The following TIAM2 variants were observed in gnomAD, a reference collection of about 807,000 sequenced individuals.
TIAM2 encodes rho guanine nucleotide exchange factor TIAM2.
In TIAM2, 80 loss-of-function variants were observed where a neutral mutation model predicts 152.9. The observed-to-expected ratio is 0.52, with a 90% confidence interval of 0.44 to 0.63. The LOEUF (loss-of-function observed/expected upper bound fraction) is 0.63, where lower values mean the gene tolerates loss of function less well. TIAM2 is among the 30% of genes least tolerant of loss of function. The pLI is 0.00. For missense variants in TIAM2, 1,965 were observed against 2,120.1 expected (o/e 0.93, Z 1.44); for synonymous variants, 804 against 838.0 (o/e 0.96, Z 0.70).
At chr6:155,137,082 T>C (rs1033392658) in intron 4 of TIAM2, 95 bp from the exon 5 acceptor site, 35 of 1,306,748 alleles carry the variant, frequency 2.7e-5, no homozygotes, top group Non-Finnish European at 3.6e-5. Flanking sequence ...CATTACATTA[T>C]CAGCAGCCAC....
intron 4 of TIAM2, among the ~76,000 whole-genome samples, chr6:155,134,948 G>A (rs1779525898): frequency 6.6e-6 from 1 of 151,854 alleles, no homozygotes; most frequent in Non-Finnish European, 1.5e-5. Context: ...CTCATGATCT[G>A]CCCACCTCAG....
chr6:155,212,067 G>A (rs6557408), intron 15 of TIAM2, among the ~76,000 whole-genome samples: 2,187 of 152,284 alleles, frequency 0.014, 56 homozygotes, highest in African/African-American at 0.05. Flanking sequence ...TTATGGCTGA[G>A]TAATATTCCA....
chr6:155,154,019 A>G (rs1415026080), intron 7 of TIAM2, among the ~76,000 whole-genome samples: 2 of 152,192 alleles, frequency 1.3e-5, no homozygotes, highest in Non-Finnish European at 2.9e-5. Flanking sequence ...ATATTTGACA[A>G]AAAAATGTAA....
rs191955652 is a variant in TIAM2, at chr6:155,024,194, G to A, written c.-209+28702G>A. Among the ~76,000 whole-genome samples, 35 of 152,186 alleles carry A rather than the reference G, an allele frequency of 2.3e-4. No individual in the cohort carries two copies. In the East Asian group the frequency reaches 6.6e-3, roughly 28 times the overall value. On this transcript the variant is annotated intron_variant, in intron 1 of 26. Transcript: ENST00000682666. ...TTATGATTCTGGGAAAAGTACTTACGGCCACGTTTCTTTGGTAAGAAACAG... is the reference window on the plus strand; with the variant it reads ...TTATGATTCTGGGAAAAGTACTTACAGCCACGTTTCTTTGGTAAGAAACAG...
At chr6:155,049,721 G>T (rs745618616) in intron 1 of TIAM2, among the ~76,000 whole-genome samples, 101 of 152,118 alleles carry the variant, frequency 6.6e-4, no homozygotes, top group Non-Finnish European at 1.3e-3. Context: ...TAGTTAGAAA[G>T]GAAAATAGGG....
chr6:155,183,885 T>C, intron 14 of TIAM2, among the ~76,000 whole-genome samples: 1 of 152,258 alleles, frequency 6.6e-6, no homozygotes, highest in African/African-American at 2.4e-5. Context: ...TTTGCAGTCT[T>C]CTGTTGGGCT....
At chr6:155,093,498 G>A (rs905642161) in intron 2 of TIAM2, among the ~76,000 whole-genome samples, 3 of 152,216 alleles carry the variant, frequency 2.0e-5, no homozygotes, top group East Asian at 1.9e-4. Context: ...CTGAGCAGAT[G>A]TCATGTGTAA....
At chr6:155,244,572 G>C in intron 17 of TIAM2, 86 bp from the exon 18 acceptor site, 1 of 1,468,732 alleles carries the variant, frequency 6.8e-7, no homozygotes, top group Non-Finnish European at 9.2e-7. Context: ...GAATTTCCTT[G>C]TGATTTATTT....
chr6:155,185,614 T>C (rs1781025114), intron 14 of TIAM2, among the ~76,000 whole-genome samples: 2 of 152,044 alleles, frequency 1.3e-5, no homozygotes, highest in Non-Finnish European at 2.9e-5. Context: ...TAGGCAGCCA[T>C]TCGGACTGTC....
rs373149131 is a variant in TIAM2 at position 155,248,080 on chromosome 6, C to T, written c.3733C>T (p.Leu1245Phe). ...KQHSSTLESY[L>F]IKPVQRVLKY... ...GCATTCCTCCACGCTGGAGTCCTAC[C>T]TCATCAAGCCGGTTCAGAGAGTGCT... is the stretch of plus-strand genomic sequence containing the variant. Residue 1245 changes from leucine (L) to phenylalanine (F), a missense_variant, in exon 20 of 27, where the codon CTC becomes TTC. By Grantham distance (22) the Leu-to-Phe change is conservative. Transcript: ENST00000682666. 7.4e-6 allele frequency: 12 copies of T among 1,614,120 alleles called. No homozygotes were observed. The highest frequency in any genetic ancestry group is 2.2e-5 in the South Asian group (2 of 91,092).
chr6:155,076,539 A>G (rs1777964125), intron 1 of TIAM2, among the ~76,000 whole-genome samples: 1 of 152,130 alleles, frequency 6.6e-6, no homozygotes, highest in South Asian at 2.1e-4. Flanking sequence ...ATTTGATGCT[A>G]ATTGGTATGG....
chr6:155,153,239 A>G (rs1055928982), intron 7 of TIAM2, among the ~76,000 whole-genome samples: 2 of 151,316 alleles, frequency 1.3e-5, no homozygotes, highest in African/African-American at 4.9e-5. Flanking sequence ...CCTTCTCCCA[A>G]CCCCTGCCGT....
In TIAM2 at chr6:155,240,636, G is replaced by T; in HGVS notation, c.3275G>T (p.Arg1092Leu). 1.2e-6 allele frequency: 2 copies of T among 1,613,980 alleles called. No individual in the cohort carries two copies. Among genetic ancestry groups the T allele is most frequent in the Non-Finnish European group, 1.7e-6 (2 of 1,180,040 alleles). The change falls in exon 16 of 27, where the codon CGC (arginine) becomes CTC (leucine). Residue 1092 changes from arginine to leucine, a missense_variant. Physicochemically the swap from Arg to Leu is moderately radical, Grantham distance 102 (BLOSUM62 -2). This residue lies in a region of TIAM2 where 935 missense variants were observed against 980.0 expected (regional missense o/e 0.95). Transcript: ENST00000682666. ...GATCCTCCTCCGAGGTCTCTGGCCC[G>T]CCACCTGTCTGATGCAGACCGCCTC... Reference protein sequence around the residue: ...NQDPPPRSLARHLSDADRLRK... With the variant: ...NQDPPPRSLALHLSDADRLRK...
chr6:155,114,036 A>ATATATATATATATATAT, intron 2 of TIAM2, among the ~76,000 whole-genome samples: 21 of 34,890 alleles, frequency 6.0e-4, no homozygotes, highest in Non-Finnish European at 7.5e-4. Context: ...ATATATATAT[A>ATATATATATATATATAT]TTTTTTTTTT....
At chr6:155,184,998 C>T (rs2096689111) in intron 14 of TIAM2, among the ~76,000 whole-genome samples, 1 of 151,886 alleles carries the variant, frequency 6.6e-6, no homozygotes, top group Non-Finnish European at 1.5e-5. Flanking sequence ...TTGAGGGATA[C>T]ATTCACTACC....
intron 2 of TIAM2, among the ~76,000 whole-genome samples, chr6:155,114,037 T>TATATATATATATATATATA (rs1381031482): frequency 2.5e-4 from 7 of 28,494 alleles, no homozygotes; most frequent in African/African-American, 3.6e-4. Context: ...TATATATATA[T>TATATATATATATATATATA]TTTTTTTTTT....
chr6:155,176,531 G>T (rs985454622), intron 9 of TIAM2, among the ~76,000 whole-genome samples: 1 of 152,232 alleles, frequency 6.6e-6, no homozygotes, highest in South Asian at 2.1e-4. Flanking sequence ...ACCGTTCCCA[G>T]CCGGATTGTG....
Position 155,158,659 on chromosome 6 carries a change from A to C in TIAM2, c.2029-5756A>C, listed in dbSNP as rs767575023. 8.7e-4 allele frequency among the ~76,000 whole-genome samples: 131 copies of C among 151,312 alleles called. 3 individuals are homozygous for C. The highest frequency in any genetic ancestry group is 5.5e-4 in the Non-Finnish European group (37 of 67,876). ...AGCCTCAACCTCCTGGGCTCAAGCT[A>C]TCCTCCCACCTCTGCCTCCCACATA... On this transcript the variant is annotated intron_variant, in intron 7 of 26. Coordinates refer to ENST00000682666, the MANE Select transcript of TIAM2 (RefSeq NM_012454.4).
intron 9 of TIAM2, 120 bp downstream of exon 9, chr6:155,165,529 G>A (rs1477654927): frequency 2.9e-6 from 4 of 1,378,470 alleles, no homozygotes; most frequent in Non-Finnish European, 3.9e-6. Context: ...GCGAGGTGGG[G>A]TGGCTCACGC....
Sources: allele counts gnomAD v4.1 joint callset (sites outside exome capture counted in the v4.1 genomes callset), GRCh38; gene constraint gnomAD v4.1.1; regional missense constraint gnomAD v4.1.1; transcripts MANE v1.5; gene names NCBI Gene and HGNC (gene_info 2026-07-23, HGNC 2026-07-21).